The following GALNT17 variants were observed in gnomAD, a reference collection of about 807,000 sequenced individuals.
GALNT17 encodes the protein polypeptide N-acetylgalactosaminyltransferase 17.
A neutral mutation model predicts 63.7 loss-of-function variants in GALNT17; 29 were observed. The ratio of observed to expected loss-of-function variants is 0.46; its 90% CI spans 0.34 to 0.62. GALNT17 has a LOEUF of 0.62. Among genes scored for constraint, GALNT17 ranks in the 20% least tolerant of loss-of-function variants. The pLI, the probability that GALNT17 is intolerant of heterozygous loss-of-function variation, is 0.01. For missense variants in GALNT17, 603 were observed against 799.6 expected, an observed-to-expected ratio of 0.75 and a Z score of 2.97; for synonymous variants, 305 against 318.3, an observed-to-expected ratio of 0.96 and a Z score of 0.45.
intron 5 of GALNT17, among the ~76,000 whole-genome samples, chr7:71,549,241 A>C (rs1026680624): frequency 6.6e-6 from 1 of 152,212 alleles, no homozygotes; most frequent in Non-Finnish European, 1.5e-5. Context: ...TGGCTTGAAG[A>C]GGTGATAAAA....
chr7:71,303,163 T>C (rs62461024), intron 1 of GALNT17, among the ~76,000 whole-genome samples: 1 of 8,892 alleles, frequency 1.1e-4, no homozygotes. Context: ...GCACCCAGCC[T>C]TTTTTTTTTT....
At chr7:71,503,999 C>T (rs573660407) in intron 5 of GALNT17, among the ~76,000 whole-genome samples, 77 of 152,082 alleles carry the variant, frequency 5.1e-4, no homozygotes, top group Non-Finnish European at 9.6e-4. Flanking sequence ...GAGGCCGAGG[C>T]GGGCGGATCA....
At chr7:71,396,342 A>G (rs893071571) in intron 3 of GALNT17, among the ~76,000 whole-genome samples, 1 of 152,090 alleles carries the variant, frequency 6.6e-6, no homozygotes, top group Admixed American at 6.6e-5. Context: ...TTTTACATAT[A>G]TAGTTATCCC....
At chr7:71,144,937 C>T (rs1787987765) in intron 1 of GALNT17, among the ~76,000 whole-genome samples, 1 of 152,108 alleles carries the variant, frequency 6.6e-6, no homozygotes, top group African/African-American at 2.4e-5. Context: ...ACCATGTTAG[C>T]CAGGATGGTC....
intron 5 of GALNT17, among the ~76,000 whole-genome samples, chr7:71,435,687 C>G (rs192418305): frequency 1.0e-3 from 156 of 152,182 alleles, no homozygotes; most frequent in Admixed American, 4.5e-3. Flanking sequence ...TCAACACTCT[C>G]AACTCACTGG....
intron 5 of GALNT17, among the ~76,000 whole-genome samples, chr7:71,462,994 G>A (rs1787476648): frequency 6.6e-6 from 1 of 152,148 alleles, no homozygotes. Flanking sequence ...TTAATTGTTG[G>A]GCCACTGAAC....
chr7:71,655,462 C>G (rs1193245023), intron 6 of GALNT17, among the ~76,000 whole-genome samples: 1 of 152,076 alleles, frequency 6.6e-6, no homozygotes, highest in East Asian at 1.9e-4. Flanking sequence ...AAGTCAACAC[C>G]GGGGTAGGCA....
rs183947969 is a variant in GALNT17, at chr7:71,347,043, C to G, written c.422+11310C>G. 5.3e-5 allele frequency among the ~76,000 whole-genome samples: 8 copies of G among 152,162 alleles called. No individual in the cohort carries two copies. In the East Asian group the frequency reaches 7.7e-4, roughly 15 times the overall value. The stretch of plus-strand genomic sequence containing the variant: ...CGAGGAGGAACGTTATTTGCTAACG[C>G]AGGTCTTCACGCAGCAATGGGATGG... On this transcript the variant is annotated intron_variant, in intron 2 of 10. Transcript: ENST00000333538.
At chr7:71,415,117 C>T (rs573965053) in intron 3 of GALNT17, among the ~76,000 whole-genome samples, 116 of 152,148 alleles carry the variant, frequency 7.6e-4, no homozygotes, top group African/African-American at 2.6e-3. Flanking sequence ...GATTCTTCTG[C>T]TTTGGCCTCC....
chr7:71,436,396 C>T (rs1476560072), intron 5 of GALNT17, among the ~76,000 whole-genome samples: 2 of 152,054 alleles, frequency 1.3e-5, no homozygotes, highest in Non-Finnish European at 2.9e-5. Flanking sequence ...ATGGAGGACA[C>T]TCTTATTGTA....
chr7:71,509,598 A>G (rs1203820300), intron 5 of GALNT17, among the ~76,000 whole-genome samples: 1 of 152,246 alleles, frequency 6.6e-6, no homozygotes, highest in African/African-American at 2.4e-5. Flanking sequence ...CACATAGCTC[A>G]TAAGTTTGTC....
At chr7:71,217,695 G>T (rs542395971) in intron 1 of GALNT17, among the ~76,000 whole-genome samples, 40 of 152,166 alleles carry the variant, frequency 2.6e-4, no homozygotes, top group African/African-American at 9.6e-4. Context: ...GGAGGCTGAG[G>T]TGGGCCGATC....
At chr7:71,255,361 G>A (rs1176313394) in intron 1 of GALNT17, among the ~76,000 whole-genome samples, 1 of 152,220 alleles carries the variant, frequency 6.6e-6, no homozygotes, top group Non-Finnish European at 1.5e-5. Flanking sequence ...GCCACCATGT[G>A]TGAGATGTAC....
chr7:71,670,315 C>T (rs1198896542), intron 8 of GALNT17, among the ~76,000 whole-genome samples: 1 of 152,086 alleles, frequency 6.6e-6, no homozygotes, highest in African/African-American at 2.4e-5. Flanking sequence ...GGATAAAAGA[C>T]TATGATAGTC....
At chr7:71,656,950 T>A (rs1251774542) in intron 6 of GALNT17, among the ~76,000 whole-genome samples, 1 of 152,210 alleles carries the variant, frequency 6.6e-6, no homozygotes, top group Non-Finnish European at 1.5e-5. Context: ...GCCTTGAAGA[T>A]CCCTGGAAAA....
At chr7:71,248,641 C>G (rs1790143161) in intron 1 of GALNT17, among the ~76,000 whole-genome samples, 2 of 151,994 alleles carry the variant, frequency 1.3e-5, no homozygotes, top group African/African-American at 4.8e-5. Flanking sequence ...AAGTCAGATC[C>G]TAGCTTTGTC....
At chr7:71,438,737 C>T (rs1423706539) in intron 5 of GALNT17, among the ~76,000 whole-genome samples, 4 of 152,146 alleles carry the variant, frequency 2.6e-5, no homozygotes, top group African/African-American at 9.7e-5. Flanking sequence ...CTACAATGCT[C>T]CTCACTTTGG....
intron 5 of GALNT17, among the ~76,000 whole-genome samples, chr7:71,559,233 T>C (rs1006214932): frequency 1.3e-5 from 2 of 152,096 alleles, no homozygotes; most frequent in South Asian, 2.1e-4. Flanking sequence ...ATTACCGTAA[T>C]GTGCCAGTTG....
chr7:71,702,149 G>A (rs1791660681), intron 9 of GALNT17, among the ~76,000 whole-genome samples: 1 of 151,408 alleles, frequency 6.6e-6, no homozygotes, highest in Non-Finnish European at 1.5e-5. Context: ...GAGGGAGGAG[G>A]GTAAGGGTTG....
Sources: gnomAD v4.1 joint callset for allele counts (sites outside exome capture counted in the v4.1 genomes callset) on GRCh38, gnomAD v4.1.1 for gene constraint, MANE v1.5 for transcripts, NCBI Gene and HGNC (gene_info 2026-07-23, HGNC 2026-07-21) for gene names.